The following CAGE1 variants were observed in gnomAD, a reference collection of about 807,000 sequenced individuals.
The protein encoded by CAGE1 is cancer antigen 1, also known as cancer-associated gene 1 protein.
CAGE1 carries 66 observed loss-of-function variants against 94.9 expected under a neutral mutation model. The ratio of observed to expected loss-of-function variants is 0.70; its 90% CI spans 0.57 to 0.85. CAGE1 has a LOEUF of 0.85. Among genes scored for constraint, CAGE1 ranks in the 40% least tolerant of loss-of-function variants. The probability of loss-of-function intolerance (pLI) is 0.00; values close to 1 mark genes in which losing one functional copy is unlikely to be tolerated. For synonymous variants in CAGE1, 319 were observed against 321.0 expected, an observed-to-expected ratio of 0.99 and a Z score of 0.07; for missense variants, 865 against 950.4, an observed-to-expected ratio of 0.91 and a Z score of 1.18.
chr6:7,328,926 A>AT (rs1324230400), intron 13 of CAGE1, among the ~76,000 whole-genome samples: 4,103 of 85,264 alleles, frequency 0.048, 389 homozygotes, highest in East Asian at 0.25. Flanking sequence ...GTGTATATAT[A>AT]TATATATATT....
intron 11 of CAGE1, among the ~76,000 whole-genome samples, chr6:7,345,048 G>A (rs555698165): frequency 7.2e-5 from 11 of 152,206 alleles, no homozygotes; most frequent in South Asian, 2.1e-4. Flanking sequence ...AGCCAGCAGC[G>A]GCAGATGGCT....
At chr6:7,387,617 G>A (rs1027690271) in intron 1 of CAGE1, among the ~76,000 whole-genome samples, 2 of 151,916 alleles carry the variant, frequency 1.3e-5, no homozygotes. Flanking sequence ...CCTATACTGC[G>A]CCTATTCCCT....
intron 5 of CAGE1, among the ~76,000 whole-genome samples, chr6:7,372,465 T>A (rs1760570029): frequency 9.9e-6 from 1 of 101,126 alleles, no homozygotes; most frequent in Non-Finnish European, 1.8e-5. Flanking sequence ...AGCAATACTG[T>A]CTCAAAAAAA....
chr6:7,329,744 G>A, intron 13 of CAGE1, 105 bp downstream of exon 13: 1 of 618,794 alleles, frequency 1.6e-6, no homozygotes, highest in East Asian at 2.8e-5. Flanking sequence ...AGGCTAGGTT[G>A]CACAGTATGG....
intron 4 of CAGE1, among the ~76,000 whole-genome samples, chr6:7,376,491 T>A (rs1239378113): frequency 6.6e-6 from 1 of 152,092 alleles, no homozygotes; most frequent in African/African-American, 2.4e-5. Flanking sequence ...CTTTTGCCCC[T>A]CCACCTCCCA....
intron 12 of CAGE1, among the ~76,000 whole-genome samples, chr6:7,332,778 G>T (rs537398324): frequency 1.3e-5 from 2 of 152,192 alleles, no homozygotes; most frequent in Admixed American, 1.3e-4. Flanking sequence ...TTATATCTTG[G>T]ATCTGGCCAA....
intron 11 of CAGE1, chr6:7,340,985 C>A: frequency 2.3e-6 from 1 of 440,904 alleles, no homozygotes. Context: ...GCTTGTTGTC[C>A]AGGAAGCGGA....
rs1760749171 is a variant in CAGE1 at position 7,376,463 on chromosome 6, C to G, written c.687+2154G>C. On this transcript the variant is annotated intron_variant, in intron 4 of 13. Coordinates refer to ENST00000502583, the MANE Select transcript of CAGE1 (RefSeq NM_001170692.2). ...TAAAAGTTAGTTTGGCCTCCACTTG[C>G]TCCCTCGATCTCACCTTCTTTTGCC... 2.6e-5 allele frequency among the ~76,000 whole-genome samples: 4 copies of G among 151,978 alleles called. No individual in the cohort carries two copies. In the South Asian group the frequency reaches 8.3e-4, roughly 32 times the overall value.
At chr6:7,351,601 T>G (rs1038738164) in intron 11 of CAGE1, among the ~76,000 whole-genome samples, 2 of 145,636 alleles carry the variant, frequency 1.4e-5, no homozygotes, top group Non-Finnish European at 3.0e-5. Flanking sequence ...CAGACTGCTA[T>G]CCCTGATGAA....
chr6:7,359,273 C>A (rs1423004204), intron 9 of CAGE1, among the ~76,000 whole-genome samples: 1 of 152,200 alleles, frequency 6.6e-6, no homozygotes, highest in East Asian at 1.9e-4. Flanking sequence ...TCTCAAACTC[C>A]TGACCTGAGG....
At chr6:7,331,936 T>C (rs547004198) in intron 12 of CAGE1, among the ~76,000 whole-genome samples, 1 of 152,370 alleles carries the variant, frequency 6.6e-6, no homozygotes, top group African/African-American at 2.4e-5. Flanking sequence ...AAGCTTTTCC[T>C]TTGCCCTTCC....
chr6:7,384,618 A>G (rs756430206), intron 3 of CAGE1, among the ~76,000 whole-genome samples: 22 of 152,116 alleles, frequency 1.4e-4, no homozygotes, highest in Non-Finnish European at 2.6e-4. Context: ...AACCAAAAAC[A>G]TGATCAATGT....
chr6:7,355,465 G>A (rs1750844753), intron 10 of CAGE1, among the ~76,000 whole-genome samples: 1 of 152,166 alleles, frequency 6.6e-6, no homozygotes, highest in South Asian at 2.1e-4. Flanking sequence ...GCAAGATTTA[G>A]AATTATCCTG....
chr6:7,345,211 G>A lies in CAGE1; in HGVS notation c.2369+9830C>T, dbSNP rs376845785. Among the ~76,000 whole-genome samples, 169 of 148,418 alleles carry A rather than the reference G, an allele frequency of 1.1e-3. 1 individual carries two copies. Among genetic ancestry groups the A allele is most frequent in the African/African-American group, 4.3e-3 (163 of 38,106 alleles). On this transcript the variant is annotated intron_variant, in intron 11 of 13. Transcript: ENST00000502583. ...AAGGTTTGTAGTTTCACTCTTTGAA[G>A]TTAGTATAAGCTACCAGCCTACCAA...
chr6:7,343,198 A>AAAAAAAAAG (rs574460085), intron 11 of CAGE1, among the ~76,000 whole-genome samples: 15,981 of 136,810 alleles, frequency 0.12, 1,333 homozygotes, highest in East Asian at 0.32. Flanking sequence ...CACAAAAAAA[A>AAAAAAAAAG]AAAAGAAAAG....
At position 7,326,859 on chromosome 6, in the gene CAGE1, T is replaced by C; in HGVS notation, c.2519A>G (p.Ter840=). Residue 840 remains the stop codon, a stop_retained_variant, in exon 14 of 14, where the codon TAA becomes TGA. Transcript: ENST00000502583. ...LFKENRNDLD[*] The stretch of plus-strand genomic sequence containing the variant: ...TTACTGTTTAATCTTCAGGCTTGTT[T>C]AATCTAAATCATTTCTATTTTCTTT... 1 of 1,569,010 alleles carries C rather than the reference T, an allele frequency of 6.4e-7. No individual in the cohort carries two copies. The highest frequency in any genetic ancestry group is 2.2e-5 in the East Asian group (1 of 44,610).
chr6:7,357,842 G>A (rs1760012143), intron 9 of CAGE1, among the ~76,000 whole-genome samples: 1 of 150,994 alleles, frequency 6.6e-6, no homozygotes, highest in South Asian at 2.1e-4. Flanking sequence ...CACCCAGGCT[G>A]GAGTGCAGTG....
chr6:7,338,489 C>T (rs942347102), intron 11 of CAGE1, among the ~76,000 whole-genome samples: 4 of 152,102 alleles, frequency 2.6e-5, no homozygotes, highest in South Asian at 2.1e-4. Context: ...TTCTGTCTAT[C>T]GAAATTATCA....
intron 4 of CAGE1, among the ~76,000 whole-genome samples, chr6:7,377,347 A>G (rs568550966): frequency 1.8e-4 from 28 of 152,242 alleles, no homozygotes; most frequent in African/African-American, 9.6e-5. Flanking sequence ...TGGACAAATA[A>G]AGTCCTTTTA....
Sources: allele counts gnomAD v4.1 joint callset (sites outside exome capture counted in the v4.1 genomes callset), GRCh38; gene constraint gnomAD v4.1.1; transcripts MANE v1.5; gene names NCBI Gene and HGNC (gene_info 2026-07-23, HGNC 2026-07-21).